Variants in POLA1 observed in about 807,000 individuals in gnomAD.
The protein encoded by POLA1 is DNA polymerase alpha catalytic subunit.
In POLA1, 15 loss-of-function variants were observed where a neutral mutation model predicts 124.0. The ratio of observed to expected loss-of-function variants is 0.12; its 90% CI spans 0.08 to 0.19. The LOEUF (loss-of-function observed/expected upper bound fraction) is 0.19, where lower values mean the gene tolerates loss of function less well. Ranked by LOEUF, POLA1 falls within the 10% of genes least tolerant of loss-of-function variation. The pLI is 1.00. For synonymous variants in POLA1, 408 were observed against 389.4 expected (o/e 1.05, Z -0.56); for missense variants, 886 against 1,103.4 (o/e 0.80, Z 2.79).
intron 4 of POLA1, among the ~76,000 whole-genome samples, chrX:24,711,752 C>A (rs1299339379): frequency 9.0e-6 from 1 of 111,396 alleles, no homozygotes; most frequent in East Asian, 2.8e-4. Context: ...TGCCTGCCAC[C>A]ACACCCAGCT....
chrX:24,745,997 G>A (rs763714421), intron 24 of POLA1, among the ~76,000 whole-genome samples: 4 of 111,502 alleles, frequency 3.6e-5, no homozygotes, highest in Admixed American at 9.5e-5. Context: ...TTTTATATGC[G>A]TGTGTGGTGT....
At chrX:24,710,968 A>G (rs747249605) in intron 4 of POLA1, among the ~76,000 whole-genome samples, 4 of 110,176 alleles carry the variant, frequency 3.6e-5, no homozygotes, top group Non-Finnish European at 7.6e-5. Context: ...TGGCATGTAT[A>G]TGTATTTTTA....
At position 24,720,550 on chromosome X, in the gene POLA1, T is replaced by C. The variant is rs1262658462; in HGVS notation, c.1088-2605T>C. ...GTTTGCATCTTAATGCCTTGTAGCT[T>C]TGTGGGGTATGAGAATGCGTAACAC... On this transcript the variant is annotated intron_variant, in intron 10 of 36. Transcript: ENST00000379068. 2.7e-5 allele frequency among the ~76,000 whole-genome samples: 3 copies of C among 112,173 alleles called. No homozygotes were observed. In the East Asian group the frequency reaches 8.4e-4, roughly 31 times the overall value.
intron 34 of POLA1, among the ~76,000 whole-genome samples, chrX:24,887,450 T>A (rs1601837651): frequency 1.8e-5 from 2 of 112,599 alleles, no homozygotes; most frequent in Non-Finnish European, 3.7e-5. Flanking sequence ...TTGCATGAAA[T>A]AATTGATTAT....
intron 26 of POLA1, among the ~76,000 whole-genome samples, chrX:24,762,174 CTGT>C (rs746742255): frequency 4.5e-5 from 5 of 111,726 alleles, no homozygotes; most frequent in Admixed American, 9.5e-5. Context: ...TAGCTATCTA[CTGT>C]TGTTTCTCAG....
chrX:24,803,961 AGCAC>A (rs2045759838), intron 26 of POLA1, among the ~76,000 whole-genome samples: 1 of 88,693 alleles, frequency 1.1e-5, no homozygotes, highest in Admixed American at 1.4e-4. Flanking sequence ...AAAAAAAAAA[AGCAC>A]GAATATTTGT....
intron 36 of POLA1, among the ~76,000 whole-genome samples, chrX:24,959,386 C>T (rs751834226): frequency 4.7e-4 from 52 of 109,918 alleles, no homozygotes; most frequent in African/African-American, 1.6e-3. Context: ...ATCACTTGAA[C>T]CCAGGATGTG....
intron 26 of POLA1, among the ~76,000 whole-genome samples, chrX:24,764,136 T>C (rs1285528100): frequency 9.0e-6 from 1 of 111,695 alleles, no homozygotes; most frequent in Non-Finnish European, 1.9e-5. Context: ...CCCGGTGAGG[T>C]TGTTGGGAAA....
At position 24,987,629 on chromosome X, in the gene POLA1, T is replaced by C. The variant is rs193135292; in HGVS notation, c.4262-8176T>C. ...AATGTTCATCTTTTTCTCCACAAGG[T>C]ATGTAACTCACCATCTTGAGGTATG... On this transcript the variant is annotated intron_variant, in intron 36 of 36. Coordinates refer to ENST00000379068, the MANE Select transcript of POLA1 (RefSeq NM_001330360.2). Among the ~76,000 whole-genome samples, 4 of 111,543 alleles carry C rather than the reference T, an allele frequency of 3.6e-5. 1 individual carries two copies. In the Admixed American group the frequency reaches 3.8e-4, roughly 11 times the overall value.
In POLA1 at chrX:24,696,832, C is replaced by G. The variant is rs1043629478; in HGVS notation, c.44-2593C>G. Among the ~76,000 whole-genome samples the G allele has an allele frequency of 8.0e-5, 9 of 112,016 alleles. No homozygotes were observed. In the South Asian group the frequency reaches 3.3e-3, roughly 41 times the overall value. ...GGTTCTCCTACTCACTCTACACTCC[C>G]TTGTCGAATTTACCTTGCACACTGA... is the stretch of plus-strand genomic sequence containing the variant. On this transcript the variant is annotated intron_variant, in intron 1 of 36. Coordinates refer to ENST00000379068, the MANE Select transcript of POLA1 (RefSeq NM_001330360.2).
chrX:24,780,273 T>C (rs1316018047), intron 26 of POLA1, among the ~76,000 whole-genome samples: 1 of 112,423 alleles, frequency 8.9e-6, no homozygotes, highest in Non-Finnish European at 1.9e-5. Flanking sequence ...ATTGCTGTTC[T>C]TTAAATGTCT....
Position 24,877,030 on chromosome X carries a change from G to A in POLA1, c.4048-10976G>A, listed in dbSNP as rs556065799. Reference sequence around the variant, plus strand: ...ATGCGAGTCGCCCTTGGTAACTGGCGAAAAAACTGATAATCCTGTTTTGAA... The same window carrying A: ...ATGCGAGTCGCCCTTGGTAACTGGCAAAAAAACTGATAATCCTGTTTTGAA... On this transcript the variant is annotated intron_variant, in intron 34 of 36. Coordinates refer to ENST00000379068, the MANE Select transcript of POLA1 (RefSeq NM_001330360.2). Among the ~76,000 whole-genome samples the A allele has an allele frequency of 2.2e-4, 25 of 111,787 alleles. 2 individuals are homozygous for A. The South Asian group carries it at 9.4e-3, about 42-fold the overall frequency.
At chrX:24,901,428 G>T (rs1485880400) in intron 35 of POLA1, among the ~76,000 whole-genome samples, 1 of 111,378 alleles carries the variant, frequency 9.0e-6, no homozygotes, top group Non-Finnish European at 1.9e-5. Context: ...AGTGTAGCAA[G>T]AGAAAAGGGA....
At chrX:24,939,463 T>A (rs1161294985) in intron 36 of POLA1, among the ~76,000 whole-genome samples, 1 of 112,207 alleles carries the variant, frequency 8.9e-6, no homozygotes, top group Non-Finnish European at 1.9e-5. Flanking sequence ...TAATTATACA[T>A]CTTAATTACG....
rs145488043 is a variant in POLA1 at position 24,696,577 on chromosome X, G to A, written c.43+2573G>A. Among the ~76,000 whole-genome samples the A allele has an allele frequency of 6.1e-3, 684 of 111,679 alleles. 12 individuals carry two copies. Among genetic ancestry groups the A allele is most frequent in the Admixed American group, 0.054 (564 of 10,479 alleles). ...CCTATTTTATATGCCCATGCTCTAG[G>A]CTGCAAGGGTGTCTGGGAAAGAGCA... On this transcript the variant is annotated intron_variant, in intron 1 of 36. Coordinates refer to ENST00000379068, the MANE Select transcript of POLA1 (RefSeq NM_001330360.2).
intron 36 of POLA1, among the ~76,000 whole-genome samples, chrX:24,957,753 T>C (rs1220553930): frequency 3.6e-5 from 4 of 111,410 alleles, no homozygotes; most frequent in African/African-American, 1.3e-4. Context: ...AGACAAGCTA[T>C]GTACACTAGG....
At chrX:24,842,197 A>G (rs2046419328) in intron 33 of POLA1, among the ~76,000 whole-genome samples, 1 of 111,644 alleles carries the variant, frequency 9.0e-6, no homozygotes, top group African/African-American at 3.3e-5. Flanking sequence ...ATTTTTCCTT[A>G]TCTTAAATCA....
At chrX:24,923,860 CAAATA>C (rs1198614451) in intron 35 of POLA1, among the ~76,000 whole-genome samples, 2 of 111,031 alleles carry the variant, frequency 1.8e-5, no homozygotes, top group East Asian at 2.8e-4. Flanking sequence ...ATAGATATTG[CAAATA>C]AAATAGATAG....
At chrX:24,794,234 G>T (rs770563632) in intron 26 of POLA1, among the ~76,000 whole-genome samples, 1 of 111,247 alleles carries the variant, frequency 9.0e-6, no homozygotes, top group Non-Finnish European at 1.9e-5. Context: ...CCACCTTGGC[G>T]TCCCAAAGTG....
Sources: gnomAD v4.1 joint callset for allele counts (sites outside exome capture counted in the v4.1 genomes callset) on GRCh38, gnomAD v4.1.1 for gene constraint, MANE v1.5 for transcripts, NCBI Gene and HGNC (gene_info 2026-07-23, HGNC 2026-07-21) for gene names.